Variants in FBXO48 observed in about 807,000 individuals in gnomAD.
FBXO48 encodes F-box protein 48.
In FBXO48, 12 loss-of-function variants were observed where a neutral mutation model predicts 14.3. The ratio of observed to expected loss-of-function variants is 0.84; its 90% CI spans 0.54 to 1.36. The LOEUF (loss-of-function observed/expected upper bound fraction) is 1.36. Ranked by LOEUF, FBXO48 falls within the 40% of genes most tolerant of loss-of-function variation. The pLI is 0.00. For missense variants in FBXO48, 177 were observed against 179.1 expected (o/e 0.99, Z 0.07); for synonymous variants, 53 against 61.7 (o/e 0.86, Z 0.66).
At chr2:68,465,772 T>C (rs1235352100) in intron 2 of FBXO48, among the ~76,000 whole-genome samples, 1 of 152,180 alleles carries the variant, frequency 6.6e-6, no homozygotes, top group Non-Finnish European at 1.5e-5. Flanking sequence ...TGATGCCTCA[T>C]CATTAATTTG....
chr2:68,464,803 T>C, intron 3 of FBXO48, 37 bp downstream of exon 3: 3 of 1,503,790 alleles, frequency 2.0e-6, no homozygotes, highest in Non-Finnish European at 1.8e-6. Context: ...ATCATAACGC[T>C]GTCAACAACA....
At position 68,464,991 on chromosome 2, in the gene FBXO48, AT is replaced by A; in HGVS notation, c.154del (p.Ile52PhefsTer9). On this transcript the variant is annotated frameshift_variant, in exon 3 of 4. Coordinates refer to ENST00000377957, the MANE Select transcript of FBXO48 (RefSeq NM_001024680.3). LOFTEE classifies it high-confidence loss of function. ...ITFKIFSQLD[I>X]RSLCRASLTC... is the part of the protein sequence containing the mutation. Reference sequence around the variant, plus strand: ...CAATGAAGCCCTGCACAGACTCCGAATGTCCAGCTGACTGAAAATTTTAAAA... The same window carrying A: ...CAATGAAGCCCTGCACAGACTCCGAAGTCCAGCTGACTGAAAATTTTAAAA... The A allele has an allele frequency of 6.2e-7, 1 of 1,613,930 alleles. No individual in the cohort carries two copies. Among genetic ancestry groups the A allele is most frequent in the East Asian group, 2.2e-5 (1 of 44,884 alleles).
chr2:68,465,090 T>C lies in FBXO48; in HGVS notation c.56A>G (p.Asn19Ser), dbSNP rs767012961. The stretch of plus-strand genomic sequence containing the variant: ...TTTTTCCTTCTCAGCATCCACAGAG[T>C]TCGCTTCTGTGTGAGAAACTCTTAA... ...NNLRVSHTEA[N>S]SVDAEKEKNE... is the part of the protein sequence containing the mutation. The change falls in exon 3 of 4, where the codon AAC becomes AGC. Residue 19 changes from asparagine (N) to serine (S), a missense_variant. Asn to Ser is a conservative substitution (Grantham distance 46, BLOSUM62 1). Coordinates refer to ENST00000377957, the MANE Select transcript of FBXO48 (RefSeq NM_001024680.3). 19 of 1,612,818 alleles carry C rather than the reference T, an allele frequency of 1.2e-5. No individual in the cohort carries two copies. The highest frequency in any genetic ancestry group is 1.7e-5 in the Admixed American group (1 of 59,996).
At position 68,462,691 on chromosome 2, in the gene FBXO48, G is replaced by T. The variant is rs946415252; in HGVS notation, c.*1518C>A. The T allele has an allele frequency of 1.3e-5, 2 of 152,256 alleles. No individual in the cohort carries two copies. Among genetic ancestry groups the T allele is most frequent in the South Asian group, 2.1e-4 (1 of 4,840 alleles). 9.4% of individuals were successfully genotyped at this position (152,256 alleles called of 1,614,324 possible). On this transcript the variant is annotated 3_prime_UTR_variant, in exon 4 of 4. Transcript: ENST00000377957. ...TTGTTAAGAGTAAATGGGCAGAAGA[G>T]AATGTTGTTGGGTCTAGAAATTATA...
rs924997211 is a variant in FBXO48 at position 68,466,377 on chromosome 2, T to C, written c.-267A>G. On this transcript the variant is annotated 5_prime_UTR_variant, in exon 2 of 4. Coordinates refer to ENST00000377957, the MANE Select transcript of FBXO48 (RefSeq NM_001024680.3). ...CTTTTCTAGACGAGCTACTCAGCTA[T>C]GTTTTCGGACTTGCCAAGACCACGG... 6.6e-6 allele frequency: 1 copy of C among 152,272 alleles called. No homozygotes were observed. The highest frequency in any genetic ancestry group is 2.4e-5 in the African/African-American group (1 of 41,470). The allele number at this position is 152,272 out of a possible 1,614,324, so 9.4% of individuals were successfully genotyped here.
At chr2:68,464,783 CAA>C in intron 3 of FBXO48, 55 bp downstream of exon 3, 1 of 1,342,764 alleles carries the variant, frequency 7.4e-7, no homozygotes, top group Non-Finnish European at 1.0e-6. Context: ...AGAATTGGCG[CAA>C]ACCTGCTATC....
Position 68,461,382 on chromosome 2 carries a change from C to T in FBXO48, c.*2827G>A, listed in dbSNP as rs929313113. ...CGCAATCTCGGCTCACTGCAAGCTC[C>T]GCCTCCCGGGTTCACGCCATTCTCC... On this transcript the variant is annotated 3_prime_UTR_variant, in exon 4 of 4. Coordinates refer to ENST00000377957, the MANE Select transcript of FBXO48 (RefSeq NM_001024680.3). 8 of 147,398 alleles carry T rather than the reference C, an allele frequency of 5.4e-5. No individual in the cohort carries two copies. The highest frequency in any genetic ancestry group is 1.8e-4 in the African/African-American group (7 of 38,090). 9.1% of individuals were successfully genotyped at this position (147,398 alleles called of 1,614,324 possible).
At chr2:68,464,819 G>A (rs566301181) in intron 3 of FBXO48, 21 bp downstream of exon 3, 1 of 1,577,240 alleles carries the variant, frequency 6.3e-7, no homozygotes, top group East Asian at 2.2e-5. Flanking sequence ...CAACACTGCA[G>A]ATCGCAAAGA....
chr2:68,465,508 A>G (rs907800018), intron 2 of FBXO48, among the ~76,000 whole-genome samples: 2 of 140,920 alleles, frequency 1.4e-5, no homozygotes, highest in African/African-American at 5.4e-5. Flanking sequence ...GACTCAGCGT[A>G]CCCCGCCCCT....
intron 2 of FBXO48, among the ~76,000 whole-genome samples, chr2:68,465,739 G>C (rs1027385998): frequency 6.6e-6 from 1 of 152,070 alleles, no homozygotes; most frequent in Non-Finnish European, 1.5e-5. Flanking sequence ...TTAAACTCCT[G>C]AATACTTGTT....
intron 2 of FBXO48, among the ~76,000 whole-genome samples, chr2:68,465,635 T>C (rs1448350526): frequency 6.6e-6 from 1 of 152,072 alleles, no homozygotes; most frequent in Non-Finnish European, 1.5e-5. Context: ...CAAGCAATCC[T>C]TCTGCCTCAG....
Position 68,464,158 on chromosome 2 carries a change from C to T in FBXO48, c.*51G>A. The T allele has an allele frequency of 1.3e-6, 2 of 1,546,662 alleles. No individual in the cohort carries two copies. The highest frequency in any genetic ancestry group is 1.8e-6 in the Non-Finnish European group (2 of 1,124,518). On this transcript the variant is annotated 3_prime_UTR_variant, in exon 4 of 4. Coordinates refer to ENST00000377957, the MANE Select transcript of FBXO48 (RefSeq NM_001024680.3). ...GATATCGCTTTTGCAACCTAAGAGT[C>T]ATTTAAGTTTTAAACTTTCAAAGAC...
At position 68,464,083 on chromosome 2, in the gene FBXO48, T is replaced by C. The variant is rs1236626924; in HGVS notation, c.*126A>G. 3.4e-6 allele frequency: 3 copies of C among 878,106 alleles called. No individual in the cohort carries two copies. In the East Asian group the frequency reaches 7.4e-5, roughly 22 times the overall value. The allele number at this position is 878,106 out of a possible 1,614,324, so 54.4% of individuals were successfully genotyped here. On this transcript the variant is annotated 3_prime_UTR_variant, in exon 4 of 4. Coordinates refer to ENST00000377957, the MANE Select transcript of FBXO48 (RefSeq NM_001024680.3). ...AAATAAAGCTTTACTTTTATAATAG[T>C]TCCATTTCATTTTCTTTTAAAAAGG...
At position 68,459,514 on chromosome 2, in the gene FBXO48, C is replaced by G. The variant is rs1416499780; in HGVS notation, c.*4695G>C. On this transcript the variant is annotated 3_prime_UTR_variant, in exon 4 of 4. Transcript: ENST00000377957. ...TTCCCTCTTACAGGTTTGGAGAAGA[C>G]TGGAACAATTATTCATACATTTGTA... 2.0e-5 allele frequency: 3 copies of G among 152,132 alleles called. No individual in the cohort carries two copies. The highest frequency in any genetic ancestry group is 4.4e-5 in the Non-Finnish European group (3 of 68,022). The allele number at this position is 152,132 out of a possible 1,614,324, so 9.4% of individuals were successfully genotyped here. A position where few individuals can be genotyped will look rare whatever the true frequency, so the allele number is the denominator to read the frequency against.
At position 68,462,010 on chromosome 2, in the gene FBXO48, G is replaced by A. The variant is rs190513088; in HGVS notation, c.*2199C>T. The A allele has an allele frequency of 2.3e-4, 35 of 152,156 alleles. No homozygotes were observed. Among genetic ancestry groups the A allele is most frequent in the African/African-American group, 8.4e-4 (35 of 41,444 alleles). The allele number at this position is 152,156 out of a possible 1,614,324, so 9.4% of individuals were successfully genotyped here. The stretch of plus-strand genomic sequence containing the variant: ...AGATCATGCCACTGCACTCCAGCCT[G>A]GGTGACAGAGTGAGACTTCATCTCA... On this transcript the variant is annotated 3_prime_UTR_variant, in exon 4 of 4. Coordinates refer to ENST00000377957, the MANE Select transcript of FBXO48 (RefSeq NM_001024680.3).
chr2:68,464,801 G>C (rs145911210), intron 3 of FBXO48, 39 bp downstream of exon 3: 18,258 of 1,478,210 alleles, frequency 0.012, 139 homozygotes, highest in Non-Finnish European at 0.014. Flanking sequence ...CTATCATAAC[G>C]CTGTCAACAA....
At position 68,463,228 on chromosome 2, in the gene FBXO48, C is replaced by T. The variant is rs1274804268; in HGVS notation, c.*981G>A. The T allele has an allele frequency of 6.6e-6, 1 of 152,038 alleles. No homozygotes were observed. Among genetic ancestry groups the T allele is most frequent in the African/African-American group, 2.4e-5 (1 of 41,408 alleles). The allele number at this position is 152,038 out of a possible 1,614,324, so 9.4% of individuals were successfully genotyped here. On this transcript the variant is annotated 3_prime_UTR_variant, in exon 4 of 4. Transcript: ENST00000377957. Reference sequence around the variant, plus strand: ...CACACTAACTAAAGCAGTTTGTAGACACTTTTTTACTATGGTGGTAACCAC... The same window carrying T: ...CACACTAACTAAAGCAGTTTGTAGATACTTTTTTACTATGGTGGTAACCAC...
chr2:68,462,911 A>T lies in FBXO48; in HGVS notation c.*1298T>A, dbSNP rs1321819215. ...GACTACAACTGGACTGTTCTGTGAC[A>T]TAACAGAGATGCTATTAGTAGAAGT... On this transcript the variant is annotated 3_prime_UTR_variant, in exon 4 of 4. Transcript: ENST00000377957. 1 of 152,284 alleles carries T rather than the reference A, an allele frequency of 6.6e-6. No individual in the cohort carries two copies. The allele number at this position is 152,284 out of a possible 1,614,324, so 9.4% of individuals were successfully genotyped here.
chr2:68,461,287 C>A lies in FBXO48; in HGVS notation c.*2922G>T, dbSNP rs200668725. Reference sequence around the variant, plus strand: ...CTTACTTAAGATCCGTTTTCGTTTTCTTTTTTTTTTTTTTTTTTTTGAGAC... The same window carrying A: ...CTTACTTAAGATCCGTTTTCGTTTTATTTTTTTTTTTTTTTTTTTTGAGAC... On this transcript the variant is annotated 3_prime_UTR_variant, in exon 4 of 4. Transcript: ENST00000377957. The A allele has an allele frequency of 8.4e-6, 1 of 119,636 alleles. No homozygotes were observed. The allele number at this position is 119,636 out of a possible 1,614,324, so 7.4% of individuals were successfully genotyped here.
Sources: gnomAD v4.1 joint callset for allele counts (sites outside exome capture counted in the v4.1 genomes callset) on GRCh38, gnomAD v4.1.1 for gene constraint, MANE v1.5 for transcripts, NCBI Gene and HGNC (gene_info 2026-07-23, HGNC 2026-07-21) for gene names.